The following PRDM16 variants were observed in gnomAD, a reference collection of about 807,000 sequenced individuals.
The protein encoded by PRDM16 is histone-lysine N-methyltransferase PRDM16.
In PRDM16, 23 loss-of-function variants were observed where a neutral mutation model predicts 110.6. The ratio of observed to expected loss-of-function variants is 0.21; its 90% CI spans 0.15 to 0.29. PRDM16 has a LOEUF of 0.29. Among genes scored for constraint, PRDM16 ranks in the 10% least tolerant of loss-of-function variants. The pLI, the probability that PRDM16 is intolerant of heterozygous loss-of-function variation, is 1.00. For missense variants in PRDM16, 1,615 were observed against 1,794.3 expected (o/e 0.90, Z 1.81); for synonymous variants, 799 against 781.8 (o/e 1.02, Z -0.37).
intron 3 of PRDM16, among the ~76,000 whole-genome samples, chr1:3,254,946 A>T (rs2100230751): frequency 6.6e-6 from 1 of 152,326 alleles, no homozygotes; most frequent in East Asian, 1.9e-4. Flanking sequence ...ATGGTACTGG[A>T]ACCAAAACAG....
At chr1:3,156,854 T>C (rs1272570101) in intron 1 of PRDM16, among the ~76,000 whole-genome samples, 1 of 152,184 alleles carries the variant, frequency 6.6e-6, no homozygotes, top group Non-Finnish European at 1.5e-5. Flanking sequence ...TCTGAGCCTC[T>C]GCACCAACCG....
chr1:3,172,386 T>G (rs899423274), intron 1 of PRDM16, among the ~76,000 whole-genome samples: 3 of 152,236 alleles, frequency 2.0e-5, no homozygotes, highest in East Asian at 3.9e-4. Flanking sequence ...CCCTGAGATC[T>G]GGGCAGTGGG....
At chr1:3,199,842 G>A (rs1463581760) in intron 2 of PRDM16, among the ~76,000 whole-genome samples, 3 of 152,180 alleles carry the variant, frequency 2.0e-5, no homozygotes, top group Admixed American at 6.5e-5. Context: ...GAGAGACCAC[G>A]GTGCACCCTG....
intron 1 of PRDM16, among the ~76,000 whole-genome samples, chr1:3,146,268 TGG>T (rs892480235): frequency 6.6e-6 from 1 of 151,884 alleles, no homozygotes; most frequent in East Asian, 1.9e-4. Context: ...TCATCTGGGG[TGG>T]GGGGGGCCTC....
chr1:3,174,957 G>A (rs541633935), intron 1 of PRDM16, among the ~76,000 whole-genome samples: 11 of 152,292 alleles, frequency 7.2e-5, no homozygotes, highest in Non-Finnish European at 1.2e-4. Context: ...AATAGCGGCC[G>A]CTTGGTTCTG....
At chr1:3,169,397 C>T (rs1206677821) in intron 1 of PRDM16, among the ~76,000 whole-genome samples, 1 of 152,154 alleles carries the variant, frequency 6.6e-6, no homozygotes, top group Non-Finnish European at 1.5e-5. Flanking sequence ...AGCGACTCTC[C>T]TCAGGGCCGG....
In PRDM16 at chr1:3,425,756, C is replaced by T. The variant is rs1272811349; in HGVS notation, c.3109+6C>T. On this transcript the variant is annotated splice_donor_region_variant and intron_variant, in intron 13 of 16. Transcript: ENST00000270722. This position sits in a 1 kb window ranked among gnomAD's most constrained non-coding sequence, Gnocchi z 6.9. ...CGAGCACGAGAACGCACCAGGTGGG[C>T]CACGCGGGGTGGGGCAGCCCCCAGA... 6.2e-7 allele frequency: 1 copy of T among 1,613,092 alleles called. No individual in the cohort carries two copies.
intron 1 of PRDM16, among the ~76,000 whole-genome samples, chr1:3,070,474 GGCCA>G: frequency 6.7e-6 from 1 of 149,468 alleles, no homozygotes; most frequent in Admixed American, 6.7e-5. Flanking sequence ...GCAGCGAAGC[GGCCA>G]GCGCCGCGCG....
At chr1:3,398,483 T>TA (rs1243269545) in intron 5 of PRDM16, among the ~76,000 whole-genome samples, 1 of 152,186 alleles carries the variant, frequency 6.6e-6, no homozygotes, top group Non-Finnish European at 1.5e-5. Flanking sequence ...ATAATTATCA[T>TA]AAAAAATCTT....
At chr1:3,092,645 G>T (rs572782942) in intron 1 of PRDM16, among the ~76,000 whole-genome samples, 102 of 152,326 alleles carry the variant, frequency 6.7e-4, no homozygotes, top group African/African-American at 2.4e-3. Flanking sequence ...TCTGTGGAGG[G>T]GTCTGCACAA....
chr1:3,317,658 G>A (rs547974835), intron 3 of PRDM16, among the ~76,000 whole-genome samples: 11 of 152,292 alleles, frequency 7.2e-5, no homozygotes, highest in African/African-American at 2.4e-4. Flanking sequence ...AGACACAACC[G>A]CTCCTGGGAA....
At chr1:3,240,013 G>GGA (rs1369169540) in intron 2 of PRDM16, among the ~76,000 whole-genome samples, 2 of 138,932 alleles carry the variant, frequency 1.4e-5, no homozygotes, top group Non-Finnish European at 3.0e-5. Context: ...AAGGAAAGAT[G>GGA]GAGAGAGAGA....
chr1:3,386,925 C>T (rs147960247), intron 4 of PRDM16: 31 of 152,182 alleles, frequency 2.0e-4, no homozygotes, highest in African/African-American at 6.5e-4. Flanking sequence ...TAAACTTAAG[C>T]GGTAAAGTGG....
chr1:3,281,488 C>CT (rs1053803102), intron 3 of PRDM16, among the ~76,000 whole-genome samples: 1 of 152,266 alleles, frequency 6.6e-6, no homozygotes, highest in Non-Finnish European at 1.5e-5. Flanking sequence ...TCATTCACAA[C>CT]TTAGCATGAT....
intron 1 of PRDM16, among the ~76,000 whole-genome samples, chr1:3,132,207 G>A (rs1315182918): frequency 3.3e-5 from 5 of 152,286 alleles, no homozygotes; most frequent in South Asian, 4.2e-4. Flanking sequence ...AGGGTTACAC[G>A]GCGGTGCCAC....
intron 3 of PRDM16, among the ~76,000 whole-genome samples, chr1:3,317,619 G>A (rs368643740): frequency 2.6e-5 from 4 of 152,290 alleles, no homozygotes; most frequent in East Asian, 1.9e-4. Context: ...TCTTGGCTCC[G>A]CCCGGGCCTC....
intron 3 of PRDM16, among the ~76,000 whole-genome samples, chr1:3,363,547 T>C (rs1050436719): frequency 6.6e-6 from 1 of 152,108 alleles, no homozygotes; most frequent in Non-Finnish European, 1.5e-5. Flanking sequence ...TCTTGGGGCA[T>C]CCTGAGTGCC....
At chr1:3,203,319 A>G (rs1225339345) in intron 2 of PRDM16, among the ~76,000 whole-genome samples, 2 of 152,182 alleles carry the variant, frequency 1.3e-5, no homozygotes, top group Non-Finnish European at 2.9e-5. Context: ...CCACCCACAC[A>G]ACCGTTGAGT....
chr1:3,277,206 A>G (rs1640605526), intron 3 of PRDM16, among the ~76,000 whole-genome samples: 1 of 152,140 alleles, frequency 6.6e-6, no homozygotes, highest in Non-Finnish European at 1.5e-5. Context: ...GGGCTGAGTG[A>G]GACTAGTGGA....
Sources: allele counts gnomAD v4.1 joint callset (sites outside exome capture counted in the v4.1 genomes callset), GRCh38; gene constraint gnomAD v4.1.1; non-coding constraint Gnocchi (gnomAD v3.1); transcripts MANE v1.5; gene names NCBI Gene and HGNC (gene_info 2026-07-23, HGNC 2026-07-21).